MZT2B: variants seen among roughly 807,000 people sequenced by gnomAD.
MZT2B encodes the protein mitotic-spindle organizing protein 2B.
In MZT2B, 11 loss-of-function variants were observed where a neutral mutation model predicts 12.1. That is an observed-to-expected ratio of 0.91 (90% CI 0.57 to 1.50). The LOEUF (loss-of-function observed/expected upper bound fraction) is 1.50, where lower values mean the gene tolerates loss of function less well. MZT2B is among the 40% of genes most tolerant of loss of function. The probability of loss-of-function intolerance (pLI) is 0.00; values close to 1 mark genes in which losing one functional copy is unlikely to be tolerated. For missense variants in MZT2B, 209 were observed against 227.7 expected, an observed-to-expected ratio of 0.92 and a Z score of 0.53; for synonymous variants, 85 against 109.5, an observed-to-expected ratio of 0.78 and a Z score of 1.40.
the MZT2B span, chr2:130,204,369 G>C: frequency 2.6e-6 from 1 of 382,590 alleles, no homozygotes; most frequent in African/African-American, 2.1e-5. Flanking sequence ...TGTGGCAGGA[G>C]ATCTGAAGAT....
intron 2 of MZT2B, among the ~76,000 whole-genome samples, chr2:130,188,760 C>G (rs2599742): frequency 0.036 from 5,432 of 150,424 alleles, 256 homozygotes; most frequent in African/African-American, 0.12. Context: ...GGAGAATTTT[C>G]TGGTATTAGC....
rs372756139 is a variant in MZT2B at position 130,190,650 on chromosome 2, C to T, written c.*24C>T. On this transcript the variant is annotated 3_prime_UTR_variant, in exon 3 of 3. Transcript: ENST00000281871. ...AGGATGGGGCAGAGACTTGTTGCAT[C>T]TTTGTCCCCAGCAAAGGCTACATGT... 42 of 1,584,266 alleles carry T rather than the reference C, an allele frequency of 2.7e-5. 2 individuals carry two copies. In the African/African-American group the frequency reaches 4.3e-4, roughly 16 times the overall value.
At chr2:130,191,645 A>C (rs1573768563), downstream of MZT2B, 3 of 1,057,818 alleles carry the variant, frequency 2.8e-6, no homozygotes, top group Non-Finnish European at 4.0e-6. Context: ...ACCCAACCCC[A>C]CGCCAGCAGG....
At position 130,182,608 on chromosome 2, in the gene MZT2B, C is replaced by T. The variant is rs1449120171; in HGVS notation, c.171-19C>T. ...GCCGGGCGGAGAGGGCTCACCGGCC[C>T]CGCGTCTGTCCCCGCCAGGATCCTG... On this transcript the variant is annotated intron_variant, in intron 1 of 2. Coordinates refer to ENST00000281871, the MANE Select transcript of MZT2B (RefSeq NM_025029.5). 6.4e-7 allele frequency: 1 copy of T among 1,551,202 alleles called. No homozygotes were observed. Among genetic ancestry groups the T allele is most frequent in the Admixed American group, 1.9e-5 (1 of 51,422 alleles).
downstream of MZT2B, chr2:130,192,096 A>T: frequency 6.2e-7 from 1 of 1,605,350 alleles, no homozygotes; most frequent in Non-Finnish European, 8.5e-7. Flanking sequence ...TCCCCCGGGG[A>T]CCACTGTGGG....
upstream of MZT2B, chr2:130,181,924 A>T: frequency 1.4e-6 from 2 of 1,452,842 alleles, no homozygotes; most frequent in Non-Finnish European, 9.1e-7. Context: ...AGAAAATTGC[A>T]CGCTTTCTTG....
the MZT2B span, among the ~76,000 whole-genome samples, chr2:130,197,492 C>CAAAAAAAA: frequency 2.3e-5 from 1 of 44,278 alleles, no homozygotes; most frequent in Non-Finnish European, 5.0e-5. Context: ...AGTGCTGTCT[C>CAAAAAAAA]AAAAAAAAAA....
intron 2 of MZT2B, chr2:130,183,845 C>T: frequency 1.3e-6 from 2 of 1,550,674 alleles, no homozygotes; most frequent in South Asian, 2.4e-5. Flanking sequence ...CCTTTTCCTC[C>T]AGCCCGCAGC....
the MZT2B span, among the ~76,000 whole-genome samples, chr2:130,199,685 G>T: frequency 1.3e-4 from 15 of 115,478 alleles, 3 homozygotes. Flanking sequence ...TGTTTACCAA[G>T]AATTTGAAAT....
chr2:130,183,624 A>G, intron 2 of MZT2B: 1 of 1,203,452 alleles, frequency 8.3e-7, no homozygotes, highest in Non-Finnish European at 1.2e-6. Context: ...AGACCCGCAC[A>G]GGCATCCTGA....
chr2:130,181,925 C>T, upstream of MZT2B: 1 of 1,462,374 alleles, frequency 6.8e-7, no homozygotes. Flanking sequence ...GAAAATTGCA[C>T]GCTTTCTTGA....
downstream of MZT2B, chr2:130,190,761 T>G (rs973778228): frequency 8.7e-5 from 125 of 1,430,600 alleles, no homozygotes; most frequent in East Asian, 9.1e-4. Flanking sequence ...TTTGTTTTTT[T>G]TTTTATATTA....
chr2:130,191,956 C>G (rs1482741988), downstream of MZT2B: 1 of 1,614,036 alleles, frequency 6.2e-7, no homozygotes, highest in East Asian at 2.2e-5. Context: ...ATGCCTTCGC[C>G]CACGTACCAG....
At chr2:130,188,250 C>G (rs985484039) in intron 2 of MZT2B, 2 of 160,782 alleles carry the variant, frequency 1.2e-5, no homozygotes, top group Admixed American at 1.3e-4. Context: ...GAGCTGAGAG[C>G]GCATGGGCAC....
At chr2:130,191,710 G>A, downstream of MZT2B, 1 of 1,497,896 alleles carries the variant, frequency 6.7e-7, no homozygotes, top group Non-Finnish European at 8.9e-7. Flanking sequence ...ACCAGCTCCT[G>A]TAGGCAGAGC....
the MZT2B span, chr2:130,202,459 G>C: frequency 7.8e-7 from 1 of 1,280,184 alleles, no homozygotes; most frequent in South Asian, 1.2e-5. Flanking sequence ...TTGGTTCTGG[G>C]TGAGAAAGGC....
upstream of MZT2B, chr2:130,181,698 C>G (rs1689660284): frequency 1.9e-6 from 3 of 1,548,200 alleles, no homozygotes; most frequent in Non-Finnish European, 2.6e-6. Context: ...AAAGCGAAGG[C>G]CGGCCGGGCG....
upstream of MZT2B, chr2:130,181,679 C>T: frequency 1.3e-6 from 2 of 1,548,432 alleles, 1 homozygote; most frequent in Non-Finnish European, 1.7e-6. Context: ...CCTCAAAAGG[C>T]GCGTGCGCAA....
At chr2:130,202,524 C>CTG in the MZT2B span, 1 of 1,168,402 alleles carries the variant, frequency 8.6e-7, no homozygotes, top group Non-Finnish European at 1.1e-6. Flanking sequence ...GTTTACAGAC[C>CTG]TCCTTGGGAC....
Sources: allele counts gnomAD v4.1 joint callset (sites outside exome capture counted in the v4.1 genomes callset), GRCh38; gene constraint gnomAD v4.1.1; transcripts MANE v1.5; gene names NCBI Gene and HGNC (gene_info 2026-07-23, HGNC 2026-07-21).